The following CFDP1 variants were observed in gnomAD, a reference collection of about 807,000 sequenced individuals.
The protein encoded by CFDP1 is heterochromatin-stabilizing protein CFDP1.
Under a neutral mutation model 40.1 loss-of-function variants are expected in CFDP1, and 31 were observed. That is an observed-to-expected ratio of 0.77 (90% CI 0.58 to 1.04). The LOEUF (loss-of-function observed/expected upper bound fraction) is 1.04. CFDP1 is among the 50% of genes least tolerant of loss of function. The pLI is 0.00. For synonymous variants in CFDP1, 167 were observed against 120.0 expected (o/e 1.39, Z -2.56); for missense variants, 423 against 343.4 (o/e 1.23, Z -1.83).
chr16:75,321,139 T>G (rs1044011705), intron 5 of CFDP1, among the ~76,000 whole-genome samples: 5 of 152,140 alleles, frequency 3.3e-5, no homozygotes, highest in Non-Finnish European at 5.9e-5. Flanking sequence ...ATTATTATTA[T>G]TATTTTTACA....
intron 5 of CFDP1, among the ~76,000 whole-genome samples, chr16:75,393,242 C>T (rs950442945): frequency 1.2e-4 from 19 of 152,160 alleles, no homozygotes; most frequent in African/African-American, 4.3e-4. Flanking sequence ...CAGCAGTCAC[C>T]TGCTTGATAA....
chr16:75,347,359 A>AAAAAAGAAAAAGAAAAAG lies in CFDP1; in HGVS notation c.651-42195_651-42178dup. On this transcript the variant is annotated intron_variant, in intron 5 of 6. Coordinates refer to ENST00000283882, the MANE Select transcript of CFDP1 (RefSeq NM_006324.3). ...ACTCCATCTCAAAAAAAAAAAAAAAAAAAAAGAAAAAGAAAAAGAAAAAGA... is the reference window on the plus strand; with the variant it reads ...ACTCCATCTCAAAAAAAAAAAAAAAAAAAAAGAAAAAGAAAAAGAAAAAGAAAAAGAAAAAGAAAAAGA... Among the ~76,000 whole-genome samples, 3 of 53,694 alleles carry AAAAAAGAAAAAGAAAAAG rather than the reference A, an allele frequency of 5.6e-5. No individual in the cohort carries two copies. The East Asian group carries it at 1.1e-3, about 20-fold the overall frequency. 35.2% of individuals were successfully genotyped at this position (53,694 alleles called of 152,430 possible). A position where few individuals can be genotyped will look rare whatever the true frequency, so the allele number is the denominator to read the frequency against.
intron 5 of CFDP1, among the ~76,000 whole-genome samples, chr16:75,313,149 T>C (rs1308225281): frequency 1.3e-5 from 2 of 152,236 alleles, no homozygotes; most frequent in African/African-American, 2.4e-5. Flanking sequence ...TTTATTACTC[T>C]GCTTACTTCA....
intron 5 of CFDP1, among the ~76,000 whole-genome samples, chr16:75,340,398 T>G (rs2078518796): frequency 6.6e-6 from 1 of 152,318 alleles, no homozygotes; most frequent in African/African-American, 2.4e-5. Flanking sequence ...TCTGCTCCCT[T>G]TAATAAGATG....
chr16:75,378,293 T>A (rs1468762498), intron 5 of CFDP1, among the ~76,000 whole-genome samples: 2 of 151,846 alleles, frequency 1.3e-5, no homozygotes, highest in Admixed American at 1.3e-4. Context: ...ACGTCTCTGC[T>A]TGAACTATGG....
At chr16:75,400,654 G>A (rs2079043764) in intron 4 of CFDP1, among the ~76,000 whole-genome samples, 1 of 152,148 alleles carries the variant, frequency 6.6e-6, no homozygotes, top group Admixed American at 6.6e-5. Context: ...CATGGCTGAA[G>A]TCCATTCTGA....
intron 5 of CFDP1, among the ~76,000 whole-genome samples, chr16:75,359,289 G>T (rs1195303852): frequency 3.3e-5 from 5 of 152,128 alleles, no homozygotes; most frequent in African/African-American, 1.2e-4. Context: ...AGAGCGTAAA[G>T]AGGTCCTGAG....
chr16:75,419,648 G>A (rs1394418710), intron 1 of CFDP1, among the ~76,000 whole-genome samples: 1 of 152,136 alleles, frequency 6.6e-6, no homozygotes. Context: ...CGATAAGCTA[G>A]AAGGTTGGCA....
intron 5 of CFDP1, among the ~76,000 whole-genome samples, chr16:75,386,320 G>A (rs1475406567): frequency 1.3e-5 from 2 of 152,220 alleles, no homozygotes; most frequent in African/African-American, 4.8e-5. Flanking sequence ...AGGCAACCTT[G>A]AAAATCACTA....
At chr16:75,362,717 C>T (rs1032918576) in intron 5 of CFDP1, among the ~76,000 whole-genome samples, 1 of 152,122 alleles carries the variant, frequency 6.6e-6, no homozygotes, top group Non-Finnish European at 1.5e-5. Flanking sequence ...AAAAGAATTG[C>T]TTTTCAATGC....
chr16:75,367,343 T>TATTAGGTTGGGTATTA (rs2151536210), intron 5 of CFDP1, among the ~76,000 whole-genome samples: 1 of 149,846 alleles, frequency 6.7e-6, no homozygotes, highest in East Asian at 2.0e-4. Flanking sequence ...ACCTAGGTGG[T>TATTAGGTTGGGTATTA]GGATGGGTTG....
intron 5 of CFDP1, among the ~76,000 whole-genome samples, chr16:75,358,318 G>A (rs556671507): frequency 3.7e-4 from 57 of 152,286 alleles, no homozygotes; most frequent in African/African-American, 1.2e-3. Flanking sequence ...GCCATCAGAT[G>A]AGGCATGCCT....
At chr16:75,311,672 C>T (rs1323974394) in intron 5 of CFDP1, among the ~76,000 whole-genome samples, 1 of 152,028 alleles carries the variant, frequency 6.6e-6, no homozygotes, top group Non-Finnish European at 1.5e-5. Context: ...TGCATAATCA[C>T]TAAAATGCAA....
chr16:75,335,802 C>T (rs946432941), intron 5 of CFDP1, among the ~76,000 whole-genome samples: 11 of 152,052 alleles, frequency 7.2e-5, no homozygotes, highest in East Asian at 1.9e-4. Flanking sequence ...GTGATCCGCC[C>T]GCCTCGGCCT....
intron 6 of CFDP1, among the ~76,000 whole-genome samples, chr16:75,302,904 T>C (rs1182333596): frequency 1.3e-5 from 2 of 151,990 alleles, no homozygotes; most frequent in South Asian, 4.2e-4. Flanking sequence ...TTTAAAATGT[T>C]TTTTTTTAGG....
At position 75,349,675 on chromosome 16, in the gene CFDP1, A is replaced by AT. The variant is rs2078595583; in HGVS notation, c.651-44494_651-44493insA. On this transcript the variant is annotated intron_variant, in intron 5 of 6. Transcript: ENST00000283882. ...CAAAAAAAAAAAAAAAAAAAAAAAAAAAAAAAAAAAAAAAAATATATATAC... is the reference window on the plus strand; with the variant it reads ...CAAAAAAAAAAAAAAAAAAAAAAAAATAAAAAAAAAAAAAAAATATATATAC... 1.4e-4 allele frequency among the ~76,000 whole-genome samples: 10 copies of AT among 70,684 alleles called. 1 individual carries two copies. Among genetic ancestry groups the AT allele is most frequent in the South Asian group, 1.0e-3 (2 of 2,004 alleles). The allele number at this position is 70,684 out of a possible 152,430, so 46.4% of individuals were successfully genotyped here.
At chr16:75,363,252 T>C (rs1335430994) in intron 5 of CFDP1, among the ~76,000 whole-genome samples, 3 of 146,324 alleles carry the variant, frequency 2.1e-5, no homozygotes, top group Non-Finnish European at 4.5e-5. Flanking sequence ...AAAGACTTAA[T>C]GTATGAAAGT....
chr16:75,347,195 T>G (rs1188413446), intron 5 of CFDP1, among the ~76,000 whole-genome samples: 1 of 149,288 alleles, frequency 6.7e-6, no homozygotes, highest in Non-Finnish European at 1.5e-5. Flanking sequence ...GTACAAAAAG[T>G]CAGCTGGGCA....
chr16:75,405,457 A>C (rs2079089572), intron 4 of CFDP1, among the ~76,000 whole-genome samples: 1 of 151,684 alleles, frequency 6.6e-6, no homozygotes, highest in Non-Finnish European at 1.5e-5. Flanking sequence ...CTATACAAAA[A>C]ACACAAGAGG....
Sources: gnomAD v4.1 joint callset for allele counts (sites outside exome capture counted in the v4.1 genomes callset) on GRCh38, gnomAD v4.1.1 for gene constraint, MANE v1.5 for transcripts, NCBI Gene and HGNC (gene_info 2026-07-23, HGNC 2026-07-21) for gene names.